DRC8: variants seen among roughly 807,000 people sequenced by gnomAD.
DRC8 encodes the protein dynein regulatory complex subunit 8.
chr1:245,094,425 C>T, the DRC8 span, among the ~76,000 whole-genome samples: 45 of 152,244 alleles, frequency 3.0e-4, no homozygotes, highest in East Asian at 8.7e-3. Context: ...GCCACCTGTA[C>T]GGTTAGTGAT....
the DRC8 span, chr1:245,002,079 T>G: frequency 6.6e-7 from 1 of 1,509,172 alleles, no homozygotes; most frequent in Non-Finnish European, 9.0e-7. Flanking sequence ...TGACAATTTT[T>G]ATTGATCACC....
the DRC8 span, among the ~76,000 whole-genome samples, chr1:245,065,746 C>T: frequency 3.3e-5 from 5 of 151,776 alleles, no homozygotes; most frequent in Non-Finnish European, 5.9e-5. Flanking sequence ...GGGAATCACC[C>T]GCATCGGAGT....
At chr1:245,083,664 CT>C in the DRC8 span, 2 of 1,610,970 alleles carry the variant, frequency 1.2e-6, no homozygotes, top group Non-Finnish European at 1.7e-6. Flanking sequence ...TAAGGACGAG[CT>C]GATCAAGTAT....
At chr1:245,041,340 G>T in the DRC8 span, among the ~76,000 whole-genome samples, 1 of 152,190 alleles carries the variant, frequency 6.6e-6, no homozygotes, top group Admixed American at 6.5e-5. Context: ...CGGTGCAGTT[G>T]ATCAGGAAGA....
At chr1:245,039,084 TGC>T in the DRC8 span, among the ~76,000 whole-genome samples, 1 of 146,172 alleles carries the variant, frequency 6.8e-6, no homozygotes, top group Non-Finnish European at 1.5e-5. Context: ...ATCTTTTCAG[TGC>T]ACCCCCTTAT....
At chr1:245,059,020 A>G in the DRC8 span, among the ~76,000 whole-genome samples, 1 of 152,216 alleles carries the variant, frequency 6.6e-6, no homozygotes, top group Non-Finnish European at 1.5e-5. Flanking sequence ...ACTAATGTCA[A>G]CTTCACCACA....
At chr1:244,973,966 AT>A in the DRC8 span, among the ~76,000 whole-genome samples, 1 of 152,104 alleles carries the variant, frequency 6.6e-6, no homozygotes, top group African/African-American at 2.4e-5. Flanking sequence ...AGTATAATTT[AT>A]TTTTTCATAG....
chr1:245,036,698 G>T, the DRC8 span, among the ~76,000 whole-genome samples: 1 of 152,334 alleles, frequency 6.6e-6, no homozygotes, highest in African/African-American at 2.4e-5. Context: ...CAACGCGGAT[G>T]AACCTAGGAA....
chr1:245,079,150 T>A, the DRC8 span, among the ~76,000 whole-genome samples: 14 of 152,218 alleles, frequency 9.2e-5, no homozygotes, highest in Admixed American at 5.9e-4. Flanking sequence ...AATTATTGTA[T>A]AATTTTATTG....
At chr1:245,018,051 ACT>A in the DRC8 span, among the ~76,000 whole-genome samples, 288 of 152,008 alleles carry the variant, frequency 1.9e-3, 1 homozygote, top group Middle Eastern at 3.4e-3. Flanking sequence ...ACATGGTGAA[ACT>A]CTGTCTCTAC....
At chr1:245,109,950 TTA>T in the DRC8 span, among the ~76,000 whole-genome samples, 1 of 152,390 alleles carries the variant, frequency 6.6e-6, no homozygotes, top group East Asian at 1.9e-4. Context: ...GATGTCTTTA[TTA>T]AGCGTGTGTT....
At chr1:245,053,911 T>G in the DRC8 span, among the ~76,000 whole-genome samples, 1 of 152,022 alleles carries the variant, frequency 6.6e-6, no homozygotes, top group Non-Finnish European at 1.5e-5. Flanking sequence ...GGACCTAGGA[T>G]GGGGGTGGCT....
At chr1:245,022,265 C>A in the DRC8 span, among the ~76,000 whole-genome samples, 5 of 152,080 alleles carry the variant, frequency 3.3e-5, no homozygotes, top group South Asian at 1.0e-3. Flanking sequence ...CCTGCCTCAG[C>A]CTCCCAAGTA....
the DRC8 span, among the ~76,000 whole-genome samples, chr1:244,981,845 T>C: frequency 2.0e-5 from 3 of 152,328 alleles, no homozygotes; most frequent in South Asian, 4.1e-4. Flanking sequence ...TTTTGAAATA[T>C]GCTAGTGCAT....
At chr1:245,025,513 A>G in the DRC8 span, among the ~76,000 whole-genome samples, 1 of 152,208 alleles carries the variant, frequency 6.6e-6, no homozygotes, top group East Asian at 1.9e-4. Flanking sequence ...ATTTCAGAAC[A>G]GGTTGATACT....
the DRC8 span, among the ~76,000 whole-genome samples, chr1:245,063,864 A>T: frequency 6.6e-6 from 1 of 152,088 alleles, no homozygotes; most frequent in African/African-American, 2.4e-5. Context: ...TGGGGGTTAC[A>T]GGCACGCACC....
the DRC8 span, among the ~76,000 whole-genome samples, chr1:245,032,210 A>T: frequency 0.079 from 12,066 of 152,188 alleles, 1,319 homozygotes; most frequent in African/African-American, 0.24. Flanking sequence ...AAGGGAGAAG[A>T]TTTGCTTATA....
chr1:245,034,162 T>C, the DRC8 span, among the ~76,000 whole-genome samples: 1 of 152,228 alleles, frequency 6.6e-6, no homozygotes, highest in Non-Finnish European at 1.5e-5. Context: ...GGGAAATCTC[T>C]TCCATACCTA....
At chr1:245,063,775 G>C in the DRC8 span, among the ~76,000 whole-genome samples, 3 of 152,180 alleles carry the variant, frequency 2.0e-5, no homozygotes, top group South Asian at 4.1e-4. Context: ...GGGCTGGAGT[G>C]CAGTGGCACA....
Sources: allele counts gnomAD v4.1 joint callset (sites outside exome capture counted in the v4.1 genomes callset), GRCh38; gene constraint gnomAD v4.1.1; transcripts MANE v1.5; gene names NCBI Gene and HGNC (gene_info 2026-07-23, HGNC 2026-07-21).